TTC7A: variants seen among roughly 807,000 people sequenced by gnomAD.
TTC7A encodes tetratricopeptide repeat domain 7A, also known as tetratricopeptide repeat protein 7A.
In TTC7A, 110 loss-of-function variants were observed where a neutral mutation model predicts 103.7. The observed-to-expected ratio is 1.06, with a 90% CI of 0.91 to 1.24. TTC7A has a LOEUF of 1.24. Ranked by LOEUF, TTC7A falls within the 50% of genes most tolerant of loss-of-function variation. The pLI, the probability that TTC7A is intolerant of heterozygous loss-of-function variation, is 0.00. For missense variants in TTC7A, 1,340 were observed against 1,116.3 expected (o/e 1.20, Z -2.86); for synonymous variants, 521 against 467.9 (o/e 1.11, Z -1.47).
At chr2:46,990,457 C>G (rs934618699) in intron 5 of TTC7A, among the ~76,000 whole-genome samples, 3 of 152,188 alleles carry the variant, frequency 2.0e-5, no homozygotes, top group Non-Finnish European at 4.4e-5. Flanking sequence ...AAGGTGGTCA[C>G]AAAGCCGAAG....
chr2:47,038,198 GC>G (rs150794246), intron 15 of TTC7A, among the ~76,000 whole-genome samples: 4,032 of 151,676 alleles, frequency 0.027, 196 homozygotes, highest in African/African-American at 0.093. Context: ...GGTGGAGGTT[GC>G]AGTGAGCCGA....
intron 3 of TTC7A, 47 bp from the exon 4 acceptor site, chr2:46,974,926 A>G: frequency 6.3e-7 from 1 of 1,597,860 alleles, no homozygotes; most frequent in East Asian, 2.3e-5. Flanking sequence ...GCCTGGAGTC[A>G]GGGGGCCCGA....
chr2:47,060,760 C>G lies in TTC7A; in HGVS notation c.2153-9C>G. 1 of 1,589,002 alleles carries G rather than the reference C, an allele frequency of 6.3e-7. No homozygotes were observed. The highest frequency in any genetic ancestry group is 1.3e-5 in the African/African-American group (1 of 74,682). ...ACTCACACCTCCCACTGCCCTTCTG[C>G]TTTTGCAGCTGAGCTGTTCATGGAG... On this transcript the variant is annotated splice_polypyrimidine_tract_variant and intron_variant, in intron 18 of 19. Coordinates refer to ENST00000319190, the MANE Select transcript of TTC7A (RefSeq NM_020458.4).
chr2:47,070,361 A>T (rs1263991537), intron 19 of TTC7A, among the ~76,000 whole-genome samples: 2 of 152,214 alleles, frequency 1.3e-5, no homozygotes, highest in Non-Finnish European at 2.9e-5. Flanking sequence ...AGGGCTTGCC[A>T]AGCTCCACGT....
chr2:47,073,894 C>G lies in TTC7A; in HGVS notation c.2548C>G (p.Pro850Ala), dbSNP rs1009785809. The G allele has an allele frequency of 6.2e-7, 1 of 1,612,902 alleles. No homozygotes were observed. Among genetic ancestry groups the G allele is most frequent in the African/African-American group, 1.3e-5 (1 of 74,926 alleles). ...LELEASSPVL[P>A]FSIIPREL is the part of the protein sequence containing the mutation. ...GCTGGAGGCCAGCAGCCCTGTACTG[C>G]CCTTCTCCATCATCCCCAGAGAGCT... The change falls in exon 20 of 20, where the codon CCC (proline) becomes GCC (alanine). Residue 850 changes from proline to alanine, a missense_variant. By Grantham distance (27) the Pro-to-Ala change is conservative. Coordinates refer to ENST00000319190, the MANE Select transcript of TTC7A (RefSeq NM_020458.4).
chr2:47,032,484 C>A (rs1680656553), intron 15 of TTC7A, among the ~76,000 whole-genome samples: 1 of 152,170 alleles, frequency 6.6e-6, no homozygotes, highest in Admixed American at 6.5e-5. Context: ...GCTTCAGGAG[C>A]TGTGGAGGGT....
intron 1 of TTC7A, among the ~76,000 whole-genome samples, chr2:46,945,538 G>A (rs1028377164): frequency 6.6e-5 from 10 of 152,284 alleles, no homozygotes; most frequent in Admixed American, 5.9e-4. Flanking sequence ...GTGAGCCACC[G>A]TGCCCAGCTA....
At position 47,024,330 on chromosome 2, in the gene TTC7A, G is replaced by C. The variant is rs2304290; in HGVS notation, c.1612G>C (p.Val538Leu). 258,830 of 1,607,438 alleles carry C rather than the reference G, an allele frequency of 0.16. 25,642 individuals are homozygous for C. Among genetic ancestry groups the C allele is most frequent in the East Asian group, 0.57 (24,981 of 43,746 alleles). The change falls in exon 14 of 20, where the codon GTC (valine) becomes CTC (leucine). Residue 538 changes from valine to leucine, a missense_variant. Coordinates refer to ENST00000319190, the MANE Select transcript of TTC7A (RefSeq NM_020458.4). ...APSDPQVILY[V>L]SLQLALVRQI... ...CAGTGACCCCCAGGTCATCCTCTAT[G>C]TCTCGCTGCAGCTGGCCCTCGTCCG...
intron 10 of TTC7A, among the ~76,000 whole-genome samples, chr2:47,008,818 A>C (rs1263827507): frequency 6.6e-6 from 1 of 151,490 alleles, no homozygotes; most frequent in Non-Finnish European, 1.5e-5. Context: ...ATAATGGATG[A>C]GTTCCGTGAC....
At chr2:46,916,023 C>A (rs1668766137), upstream of TTC7A, 1 of 985,302 alleles carries the variant, frequency 1.0e-6, no homozygotes, top group Non-Finnish European at 1.2e-6. Context: ...CCAGTTGGGC[C>A]GCTGGACGCC....
At chr2:47,046,535 G>A in intron 16 of TTC7A, 104 bp downstream of exon 16, 1 of 858,410 alleles carries the variant, frequency 1.2e-6, no homozygotes, top group Non-Finnish European at 1.9e-6. Flanking sequence ...AGGAGAGTGA[G>A]GCTTTTGAAT....
chr2:46,962,438 G>T (rs904730018), intron 3 of TTC7A, among the ~76,000 whole-genome samples: 2 of 152,128 alleles, frequency 1.3e-5, no homozygotes, highest in Non-Finnish European at 2.9e-5. Context: ...ATCCCCCAAG[G>T]CTCCTGGCCC....
At chr2:46,995,269 G>C (rs956791552) in intron 8 of TTC7A, 70 bp downstream of exon 8, 1 of 1,526,316 alleles carries the variant, frequency 6.6e-7, no homozygotes, top group Admixed American at 1.7e-5. Context: ...TGGGGCCCAG[G>C]TACAGGCCAC....
intron 5 of TTC7A, 142 bp from the exon 6 acceptor site, chr2:46,993,308 T>TG: frequency 1.4e-6 from 1 of 736,240 alleles, no homozygotes; most frequent in Non-Finnish European, 2.3e-6. Flanking sequence ...GTGTTACAAC[T>TG]CTAACTTTTC....
At chr2:46,959,442 G>A (rs1208619845) in intron 3 of TTC7A, among the ~76,000 whole-genome samples, 1 of 152,132 alleles carries the variant, frequency 6.6e-6, no homozygotes, top group African/African-American at 2.4e-5. Context: ...TGGGTCTCAG[G>A]CACATCTGGC....
intron 5 of TTC7A, among the ~76,000 whole-genome samples, chr2:46,985,744 G>T (rs948677948): frequency 6.6e-6 from 1 of 152,224 alleles, no homozygotes; most frequent in Non-Finnish European, 1.5e-5. Context: ...CTACATCAGT[G>T]AGCCTGTGTA....
intron 19 of TTC7A, among the ~76,000 whole-genome samples, chr2:47,069,178 G>A (rs61089798): frequency 0.049 from 7,490 of 152,190 alleles, 660 homozygotes; most frequent in African/African-American, 0.17. Context: ...AGCCCAGGAA[G>A]GGGAGGAGAA....
At chr2:46,930,563 G>A (rs772299044) in intron 2 of TTC7A, among the ~76,000 whole-genome samples, 6 of 148,844 alleles carry the variant, frequency 4.0e-5, no homozygotes, top group Non-Finnish European at 7.4e-5. Context: ...GCAGTGGCGC[G>A]ATCTTGGCTC....
In TTC7A at chr2:47,024,343, T is replaced by C; in HGVS notation, c.1625T>C (p.Leu542Pro). The stretch of plus-strand genomic sequence containing the variant: ...GTCATCCTCTATGTCTCGCTGCAGC[T>C]GGCCCTCGTCCGACAGGTGGGTTGT... ...PQVILYVSLQ[L>P]ALVRQISSAM... The change falls in exon 14 of 20, where the codon CTG becomes CCG. Residue 542 changes from leucine (L) to proline (P), a missense_variant. By Grantham distance (98) the Leu-to-Pro change is moderately conservative. Transcript: ENST00000319190. 6.2e-7 allele frequency: 1 copy of C among 1,607,034 alleles called. No individual in the cohort carries two copies. Among genetic ancestry groups the C allele is most frequent in the Non-Finnish European group, 8.5e-7 (1 of 1,176,966 alleles).
Sources: allele counts gnomAD v4.1 joint callset (sites outside exome capture counted in the v4.1 genomes callset), GRCh38; gene constraint gnomAD v4.1.1; transcripts MANE v1.5; gene names NCBI Gene and HGNC (gene_info 2026-07-23, HGNC 2026-07-21).